The following GABRA2 variants were observed in gnomAD, a reference collection of about 807,000 sequenced individuals.
GABRA2 encodes the protein gamma-aminobutyric acid type A receptor subunit alpha2.
In GABRA2, 16 loss-of-function variants were observed where a neutral mutation model predicts 48.7. The observed-to-expected ratio is 0.33, with a 90% CI of 0.22 to 0.50. GABRA2 has a LOEUF of 0.50. Ranked by LOEUF, GABRA2 falls within the 20% of genes least tolerant of loss-of-function variation. GABRA2 has a pLI of 0.98. For synonymous variants in GABRA2, 185 were observed against 184.5 expected, an observed-to-expected ratio of 1.00 and a Z score of -0.02; for missense variants, 275 against 535.6, an observed-to-expected ratio of 0.51 and a Z score of 4.80.
intron 3 of GABRA2, among the ~76,000 whole-genome samples, chr4:46,335,015 G>A (rs1205065244): frequency 1.3e-5 from 2 of 152,060 alleles, no homozygotes; most frequent in Admixed American, 6.6e-5. Flanking sequence ...ACCAACATGG[G>A]CTAATGAAAT....
chr4:46,273,678 A>C (rs1329122236), intron 8 of GABRA2, among the ~76,000 whole-genome samples: 1 of 151,918 alleles, frequency 6.6e-6, no homozygotes, highest in African/African-American at 2.4e-5. Flanking sequence ...CTCCTTCTCT[A>C]TCTGTCACTT....
chr4:46,290,303 A>G (rs1230480188), intron 8 of GABRA2, among the ~76,000 whole-genome samples: 1 of 149,558 alleles, frequency 6.7e-6, no homozygotes, highest in Non-Finnish European at 1.5e-5. Context: ...TGAATTTCTG[A>G]AAAAAAAAGC....
chr4:46,346,417 G>A (rs370243000), intron 3 of GABRA2, among the ~76,000 whole-genome samples: 4 of 151,374 alleles, frequency 2.6e-5, no homozygotes, highest in Non-Finnish European at 4.4e-5. Flanking sequence ...AAAAAAACTC[G>A]GCAAGTATTT....
chr4:46,284,215 T>G (rs1722095606), intron 8 of GABRA2, among the ~76,000 whole-genome samples: 1 of 152,116 alleles, frequency 6.6e-6, no homozygotes, highest in South Asian at 2.1e-4. Context: ...TTCATCACAA[T>G]TATGTTTTTT....
chr4:46,389,992 G>A lies in GABRA2; in HGVS notation c.-268C>T, dbSNP rs1381657606. ...GCGTTCGTAGTGGCGGTGATGGGCG[G>A]AGGAGGAGGAAGAGGAGGAGGAGGA... On this transcript the variant is annotated 5_prime_UTR_variant, in exon 1 of 10. Coordinates refer to ENST00000381620, the MANE Select transcript of GABRA2 (RefSeq NM_000807.4). 2.5e-5 allele frequency: 25 copies of A among 981,018 alleles called. No individual in the cohort carries two copies. The highest frequency in any genetic ancestry group is 3.0e-5 in the Non-Finnish European group (25 of 827,210). 60.8% of individuals were successfully genotyped at this position (981,018 alleles called of 1,614,324 possible).
chr4:46,269,325 A>G (rs762461131), intron 8 of GABRA2, among the ~76,000 whole-genome samples: 32 of 151,936 alleles, frequency 2.1e-4, no homozygotes, highest in Middle Eastern at 3.4e-3. Context: ...GTTATGTGTC[A>G]ATAGAGAATA....
At chr4:46,255,399 C>T (rs1331277447) in intron 9 of GABRA2, among the ~76,000 whole-genome samples, 2 of 151,704 alleles carry the variant, frequency 1.3e-5, no homozygotes, top group African/African-American at 4.8e-5. Context: ...TCTTCAATTT[C>T]ACCATCTACA....
intron 3 of GABRA2, among the ~76,000 whole-genome samples, chr4:46,361,599 G>A (rs971568298): frequency 1.3e-5 from 2 of 152,166 alleles, no homozygotes; most frequent in South Asian, 2.1e-4. Flanking sequence ...AAACAGAGTC[G>A]CTACTGGGGC....
At chr4:46,338,692 A>G (rs2109842928) in intron 3 of GABRA2, among the ~76,000 whole-genome samples, 1 of 151,984 alleles carries the variant, frequency 6.6e-6, no homozygotes, top group Non-Finnish European at 1.5e-5. Context: ...AATCTTGGAA[A>G]GTTGCAATTT....
chr4:46,366,673 T>C (rs1188228281), intron 3 of GABRA2: 2 of 152,096 alleles, frequency 1.3e-5, no homozygotes, highest in Non-Finnish European at 2.9e-5. Flanking sequence ...TTAAATGATA[T>C]GTAAAGTGCT....
intron 4 of GABRA2, among the ~76,000 whole-genome samples, chr4:46,322,454 A>C (rs539353621): frequency 3.9e-5 from 6 of 151,918 alleles, no homozygotes; most frequent in African/African-American, 1.4e-4. Context: ...CCACATCCAC[A>C]CACCCACGCC....
intron 4 of GABRA2, among the ~76,000 whole-genome samples, chr4:46,324,531 G>A (rs1319603414): frequency 6.6e-6 from 1 of 151,686 alleles, no homozygotes; most frequent in Non-Finnish European, 1.5e-5. Flanking sequence ...ATCACTACAT[G>A]TTCAGAAATC....
At chr4:46,367,672 AATT>A (rs1201587490) in intron 3 of GABRA2, 4 of 152,160 alleles carry the variant, frequency 2.6e-5, no homozygotes, top group African/African-American at 9.7e-5. Context: ...TCTTCATAAT[AATT>A]AACTTCATAA....
intron 3 of GABRA2, among the ~76,000 whole-genome samples, chr4:46,355,832 G>A (rs1205537813): frequency 6.6e-6 from 1 of 152,074 alleles, no homozygotes; most frequent in African/African-American, 2.4e-5. Flanking sequence ...TAAAATGGCA[G>A]TTCATTAGTA....
intron 3 of GABRA2, among the ~76,000 whole-genome samples, chr4:46,378,375 T>A (rs1716266735): frequency 6.6e-6 from 1 of 152,052 alleles, no homozygotes; most frequent in Non-Finnish European, 1.5e-5. Flanking sequence ...CCCTGTGCTA[T>A]CTGAAACATG....
intron 3 of GABRA2, among the ~76,000 whole-genome samples, chr4:46,344,304 T>C (rs1299823931): frequency 4.0e-5 from 6 of 151,842 alleles, no homozygotes; most frequent in African/African-American, 9.7e-5. Context: ...TGATGTACAG[T>C]TGATGCTGCT....
chr4:46,317,662 G>A (rs1388064074), intron 4 of GABRA2, among the ~76,000 whole-genome samples: 1 of 150,970 alleles, frequency 6.6e-6, no homozygotes, highest in African/African-American at 2.4e-5. Flanking sequence ...AAACACCATG[G>A]AAGAAAATAA....
chr4:46,311,778 T>C (rs1727682242), intron 5 of GABRA2, among the ~76,000 whole-genome samples: 1 of 152,200 alleles, frequency 6.6e-6, no homozygotes, highest in Non-Finnish European at 1.5e-5. Flanking sequence ...TATTTTTTCT[T>C]TGGAGTAACT....
intron 3 of GABRA2, among the ~76,000 whole-genome samples, chr4:46,360,382 G>A (rs542664556): frequency 2.0e-5 from 3 of 152,288 alleles, no homozygotes; most frequent in Admixed American, 2.0e-4. Flanking sequence ...TAGTGAATAA[G>A]TGTCAAGAGA....
Sources: gnomAD v4.1 joint callset for allele counts (sites outside exome capture counted in the v4.1 genomes callset) on GRCh38, gnomAD v4.1.1 for gene constraint, MANE v1.5 for transcripts, NCBI Gene and HGNC (gene_info 2026-07-23, HGNC 2026-07-21) for gene names.